Variants in HECTD4 observed in about 807,000 individuals in gnomAD.
HECTD4 encodes probable E3 ubiquitin-protein ligase HECTD4.
HECTD4 carries 114 observed loss-of-function variants against 471.5 expected under a neutral mutation model. The observed-to-expected ratio is 0.24, with a 90% confidence interval of 0.21 to 0.28. HECTD4 has a LOEUF of 0.28. Ranked by LOEUF, HECTD4 falls within the 10% of genes least tolerant of loss-of-function variation. HECTD4 has a pLI of 1.00. For missense variants in HECTD4, 3,866 were observed against 5,651.5 expected, an observed-to-expected ratio of 0.68 and a Z score of 10.13; for synonymous variants, 2,012 against 2,256.0, an observed-to-expected ratio of 0.89 and a Z score of 3.07.
At chr12:112,258,880 T>A in intron 19 of HECTD4, 1 of 562,760 alleles carries the variant, frequency 1.8e-6, no homozygotes, top group Non-Finnish European at 3.0e-6. Context: ...TTATAGCTGA[T>A]CAGCCATGAA....
intron 17 of HECTD4, 88 bp from the exon 18 acceptor site, chr12:112,261,517 G>A: frequency 7.8e-7 from 1 of 1,285,878 alleles, no homozygotes; most frequent in Non-Finnish European, 1.1e-6. Flanking sequence ...ATTTAATGAT[G>A]TATTTCCAAA....
Position 112,239,236 on chromosome 12 carries a change from C to A in HECTD4, c.5106G>T (p.Arg1702Ser). The A allele has an allele frequency of 6.2e-7, 1 of 1,609,310 alleles. No homozygotes were observed. The highest frequency in any genetic ancestry group is 1.1e-5 in the South Asian group (1 of 90,096). Residue 1702 changes from arginine to serine, a missense_variant and splice_region_variant, in exon 34 of 76, where the codon AGG (arginine) becomes AGT (serine). Physicochemically the swap from Arg to Ser is moderately radical, Grantham distance 110. Around this residue, in one of 16 missense-constraint regions of HECTD4, gnomAD observed 229 missense variants for 386.4 expected, o/e 0.59. Transcript: ENST00000682272. This position sits in a 1 kb window ranked among gnomAD's most constrained non-coding sequence, Gnocchi z 4.9. ...IGLLCTIPYT[R>S]SEEKCLVRSG... is the part of the protein sequence containing the mutation. ...TGCGTACCAGGCACTTCTCTTCGCTCCTGACAAAGGGTCATGGATTACACT... is the reference window on the plus strand; with the variant it reads ...TGCGTACCAGGCACTTCTCTTCGCTACTGACAAAGGGTCATGGATTACACT...
rs575080685 is a variant in HECTD4 at position 112,373,360 on chromosome 12, C to T, written c.177+8592G>A. On this transcript the variant is annotated intron_variant, in intron 1 of 75. Transcript: ENST00000682272. The stretch of plus-strand genomic sequence containing the variant: ...TTAGCCTGGCCAACATGGTGAAACC[C>T]CGTCTCTACTAAAAATACAAAAAAT... Among the ~76,000 whole-genome samples, 21 of 152,128 alleles carry T rather than the reference C, an allele frequency of 1.4e-4. 1 individual carries two copies. In the South Asian group the frequency reaches 4.2e-3, roughly 30 times the overall value.
At position 112,278,660 on chromosome 12, in the gene HECTD4, AGGTGGGTGGATCACCTGAGGCCAG is replaced by A. The variant is rs529414668; in HGVS notation, c.1687+544_1687+567del. ...GTAATCCCAGCACTTTGGGAGGCCAAGGTGGGTGGATCACCTGAGGCCAGGAATTCCAGAACAGACTGGCCAACA... is the reference window on the plus strand; with the variant it reads ...GTAATCCCAGCACTTTGGGAGGCCAAGAATTCCAGAACAGACTGGCCAACA... On this transcript the variant is annotated intron_variant, in intron 9 of 75. Transcript: ENST00000682272. Among the ~76,000 whole-genome samples, 20 of 152,362 alleles carry A rather than the reference AGGTGGGTGGATCACCTGAGGCCAG, an allele frequency of 1.3e-4. No homozygotes were observed. In the South Asian group the frequency reaches 2.3e-3, roughly 17 times the overall value.
Position 112,270,401 on chromosome 12 carries a change from C to A in HECTD4, c.2001G>T (p.Met667Ile). 1 of 1,614,014 alleles carries A rather than the reference C, an allele frequency of 6.2e-7. No individual in the cohort carries two copies. Among genetic ancestry groups the A allele is most frequent in the Non-Finnish European group, 8.5e-7 (1 of 1,179,900 alleles). Residue 667 changes from methionine to isoleucine, a missense_variant, in exon 12 of 76, where the codon ATG becomes ATT. Transcript: ENST00000682272. ...CAAGAAGATTGAGTTGGTGTATGCA[C>A]ATCGCACCAACGTGGTGCAATAATT... ...INQLLHHVGAMCIHQLNLLAT... is the reference protein window; with the variant it reads ...INQLLHHVGAICIHQLNLLAT...
chr12:112,361,673 G>A (rs2036452578), intron 1 of HECTD4, among the ~76,000 whole-genome samples: 1 of 152,094 alleles, frequency 6.6e-6, no homozygotes, highest in South Asian at 2.1e-4. Context: ...CAATGCCAAA[G>A]CCTACAGTCT....
rs376666059 is a variant in HECTD4, at chr12:112,210,084, T to C, written c.7798A>G (p.Ser2600Gly). 8.7e-6 allele frequency: 14 copies of C among 1,613,910 alleles called. No homozygotes were observed. Among genetic ancestry groups the C allele is most frequent in the Non-Finnish European group, 1.2e-5 (14 of 1,179,896 alleles). The change falls in exon 50 of 76, where the codon AGT becomes GGT. Residue 2600 changes from serine to glycine, a missense_variant. Ser to Gly is a moderately conservative substitution (Grantham distance 56). Around this residue, in one of 16 missense-constraint regions of HECTD4, gnomAD observed 266 missense variants for 441.6 expected, o/e 0.60. Transcript: ENST00000682272. ...ASDSDNDAGT[S>G]IASDPGTHGP... ...TGAGTGCCTGGGTCTGATGCAATAC[T>C]GGTGCCAGCATCATTGTCACTGTCA...
At chr12:112,255,182 A>G (rs1303086942) in intron 21 of HECTD4, among the ~76,000 whole-genome samples, 10 of 152,240 alleles carry the variant, frequency 6.6e-5, no homozygotes, top group African/African-American at 2.2e-4. Flanking sequence ...AGGAGAAACA[A>G]AACGACACCA....
chr12:112,247,226 T>C (rs560447390), intron 28 of HECTD4, 150 bp from the exon 29 acceptor site: 1 of 691,402 alleles, frequency 1.4e-6, no homozygotes, highest in East Asian at 2.9e-5. Context: ...TGTTTCCTCA[T>C]CCAAGTAACA....
At chr12:112,365,295 T>TC (rs1336108942) in intron 1 of HECTD4, among the ~76,000 whole-genome samples, 1 of 152,170 alleles carries the variant, frequency 6.6e-6, no homozygotes, top group East Asian at 1.9e-4. Context: ...ATGCCTATAG[T>TC]CCTAGCTGCT....
At chr12:112,226,948 A>C (rs1235741742) in intron 43 of HECTD4, 190 bp from the exon 44 acceptor site, 1 of 470,390 alleles carries the variant, frequency 2.1e-6, no homozygotes, top group Non-Finnish European at 3.8e-6. Context: ...CTTTTGCCAC[A>C]CAGTAACTGC....
rs1361738932 is a variant in HECTD4 at position 112,381,779 on chromosome 12, G to A, written c.177+173C>T. On this transcript the variant is annotated intron_variant, in intron 1 of 75. Coordinates refer to ENST00000682272, the MANE Select transcript of HECTD4 (RefSeq NM_001388303.1). The surrounding 1 kb of genome is among the most constrained non-coding windows in gnomAD (Gnocchi z 4.1). The stretch of plus-strand genomic sequence containing the variant: ...GAGGGAGGGAGGGAGAGCGGGGCGG[G>A]CGGTCCGCAGACCTGCGGCCGCGGC... Among the ~76,000 whole-genome samples, 3 of 151,830 alleles carry A rather than the reference G, an allele frequency of 2.0e-5. No individual in the cohort carries two copies. In the South Asian group the frequency reaches 6.2e-4, roughly 31 times the overall value.
Position 112,270,195 on chromosome 12 carries a change from T to C in HECTD4, c.2175+32A>G, listed in dbSNP as rs1352445501. On this transcript the variant is annotated intron_variant, in intron 12 of 75. Transcript: ENST00000682272. The stretch of plus-strand genomic sequence containing the variant: ...CAAGGTTTGCGTTTCCTTTTCTCTA[T>C]CATCTTATTTATTTCAAAACAGTGT... 5 of 1,574,204 alleles carry C rather than the reference T, an allele frequency of 3.2e-6. No homozygotes were observed. The South Asian group carries it at 4.5e-5, about 14-fold the overall frequency.
chr12:112,283,409 G>T, intron 7 of HECTD4, 107 bp from the exon 8 acceptor site: 2 of 819,618 alleles, frequency 2.4e-6, no homozygotes, highest in Non-Finnish European at 3.8e-6. Flanking sequence ...TTCAAAAACT[G>T]CTCCTGAGTA....
At chr12:112,223,473 G>A (rs1306983039) in intron 44 of HECTD4, among the ~76,000 whole-genome samples, 1 of 152,114 alleles carries the variant, frequency 6.6e-6, no homozygotes, top group African/African-American at 2.4e-5. Flanking sequence ...AGGCTGGAGT[G>A]CAGTGGCACG....
intron 21 of HECTD4, 102 bp from the exon 22 acceptor site, chr12:112,254,264 C>A: frequency 7.1e-7 from 1 of 1,399,178 alleles, no homozygotes; most frequent in South Asian, 1.3e-5. Context: ...ACAATTATAA[C>A]CAGGCATTGG....
rs1401510752 is a variant in HECTD4, at chr12:112,184,178, A to G, written c.10779+9T>C. On this transcript the variant is annotated intron_variant, in intron 61 of 75. Coordinates refer to ENST00000682272, the MANE Select transcript of HECTD4 (RefSeq NM_001388303.1). The surrounding 1 kb of genome is among the most constrained non-coding windows in gnomAD (Gnocchi z 9.1). ...GATTTAGTGGTTGCAGAGGCTTGAA[A>G]GCTGTTACCTCCACGACTGCGAAGC... 1.3e-6 allele frequency: 2 copies of G among 1,596,576 alleles called. No homozygotes were observed. The highest frequency in any genetic ancestry group is 1.7e-6 in the Non-Finnish European group (2 of 1,169,630).
chr12:112,362,439 C>T (rs2036466897), intron 1 of HECTD4, among the ~76,000 whole-genome samples: 1 of 152,134 alleles, frequency 6.6e-6, no homozygotes, highest in South Asian at 2.1e-4. Context: ...TCTGTGGAAG[C>T]CAACCTGCAG....
In HECTD4 at chr12:112,319,083, G is replaced by A; in HGVS notation, c.695+142C>T. 1 of 898,616 alleles carries A rather than the reference G, an allele frequency of 1.1e-6. No homozygotes were observed. Among genetic ancestry groups the A allele is most frequent in the Non-Finnish European group, 1.6e-6 (1 of 607,320 alleles). The allele number at this position is 898,616 out of a possible 1,614,324, so 55.7% of individuals were successfully genotyped here. A position where few individuals can be genotyped will look rare whatever the true frequency, so the allele number is the denominator to read the frequency against. On this transcript the variant is annotated intron_variant, in intron 2 of 75. Transcript: ENST00000682272. The surrounding 1 kb of genome is among the most constrained non-coding windows in gnomAD (Gnocchi z 5.3). ...TGAAAGCATCTCATGCACTGTCAAG[G>A]CTGTGAAATTCAATACTGAAAGCAA...
Sources: gnomAD v4.1 joint callset for allele counts (sites outside exome capture counted in the v4.1 genomes callset) on GRCh38, gnomAD v4.1.1 for gene constraint, gnomAD v4.1.1 regional missense constraint, Gnocchi (gnomAD v3.1) non-coding constraint, MANE v1.5 for transcripts, NCBI Gene and HGNC (gene_info 2026-07-23, HGNC 2026-07-21) for gene names.